RBFOX1: variants seen among roughly 807,000 people sequenced by gnomAD.
RBFOX1 encodes the protein RNA binding protein fox-1 homolog 1.
Under a neutral mutation model 57.7 loss-of-function variants are expected in RBFOX1, and 8 were observed. The ratio of observed to expected loss-of-function variants is 0.14; its 90% confidence interval spans 0.08 to 0.25. RBFOX1 has a LOEUF of 0.25. Among genes scored for constraint, RBFOX1 ranks in the 10% least tolerant of loss-of-function variants. The pLI is 1.00. For missense variants in RBFOX1, 611 were observed against 548.5 expected, an observed-to-expected ratio of 1.11 and a Z score of -1.14; for synonymous variants, 326 against 222.4, an observed-to-expected ratio of 1.47 and a Z score of -4.15.
At chr16:7,148,448 CCT>C (rs2075468261) in intron 4 of RBFOX1, among the ~76,000 whole-genome samples, 1 of 152,216 alleles carries the variant, frequency 6.6e-6, no homozygotes, top group Non-Finnish European at 1.5e-5. Flanking sequence ...TATTTTAAAA[CCT>C]CTTTTGCTGT....
At chr16:6,211,820 TTTTATTTA>T (rs200566514) in intron 1 of RBFOX1, among the ~76,000 whole-genome samples, 3,747 of 140,840 alleles carry the variant, frequency 0.027, 87 homozygotes, top group African/African-American at 0.06. Context: ...GGAATACATC[TTTTATTTA>T]TTTATTTATT....
At chr16:6,333,631 T>A (rs919715451) in intron 2 of RBFOX1, among the ~76,000 whole-genome samples, 2 of 152,114 alleles carry the variant, frequency 1.3e-5, no homozygotes, top group Non-Finnish European at 2.9e-5. Flanking sequence ...AATTAAAAAA[T>A]ATATATATCA....
intron 1 of RBFOX1, among the ~76,000 whole-genome samples, chr16:5,373,125 C>A (rs938557720): frequency 6.6e-6 from 1 of 152,096 alleles, no homozygotes; most frequent in African/African-American, 2.4e-5. Context: ...AGGAGGAGGA[C>A]GTGAAATGGA....
chr16:7,682,697 CCT>C (rs1037727374), intron 14 of RBFOX1, among the ~76,000 whole-genome samples: 2 of 151,316 alleles, frequency 1.3e-5, no homozygotes, highest in Non-Finnish European at 2.9e-5. Flanking sequence ...CTCCTGTGCC[CCT>C]GTGTCTAGAA....
intron 4 of RBFOX1, among the ~76,000 whole-genome samples, chr16:7,160,836 T>C (rs1387944583): frequency 2.1e-5 from 3 of 143,922 alleles, no homozygotes; most frequent in Admixed American, 7.1e-5. Context: ...TCCCTCCTCC[T>C]TCCTCCTCCT....
intron 2 of RBFOX1, among the ~76,000 whole-genome samples, chr16:6,563,017 G>C (rs1385287936): frequency 6.7e-6 from 1 of 150,024 alleles, no homozygotes; most frequent in Non-Finnish European, 1.5e-5. Flanking sequence ...GTTTTATCAT[G>C]TGTTCAATGT....
At chr16:5,412,973 C>A (rs989775871) in intron 1 of RBFOX1, among the ~76,000 whole-genome samples, 3 of 152,200 alleles carry the variant, frequency 2.0e-5, no homozygotes, top group Non-Finnish European at 4.4e-5. Context: ...CTGAAGGACG[C>A]AGGTGGGGTG....
chr16:6,516,066 A>G (rs777744682), intron 2 of RBFOX1, among the ~76,000 whole-genome samples: 6 of 152,026 alleles, frequency 3.9e-5, no homozygotes, highest in Non-Finnish European at 5.9e-5. Context: ...GTACACTCCA[A>G]TCCCGGAGCT....
At chr16:6,244,282 C>T (rs1049515473) in intron 1 of RBFOX1, among the ~76,000 whole-genome samples, 11 of 152,014 alleles carry the variant, frequency 7.2e-5, no homozygotes, top group South Asian at 4.2e-4. Flanking sequence ...ATGAAATCCA[C>T]GTGTTTTTGT....
chr16:6,768,628 T>C (rs1165463271), intron 3 of RBFOX1, among the ~76,000 whole-genome samples: 3 of 151,736 alleles, frequency 2.0e-5, no homozygotes, highest in African/African-American at 7.3e-5. Flanking sequence ...GGTTTAAATA[T>C]CGCCTACCTG....
chr16:7,625,512 A>C (rs1018072774), intron 10 of RBFOX1, among the ~76,000 whole-genome samples: 3 of 152,142 alleles, frequency 2.0e-5, no homozygotes, highest in Admixed American at 2.0e-4. Context: ...CAGAATACTC[A>C]TTCCATCTTA....
chr16:5,984,050 CCTCCCCCTCCTTCTCCCTCCCA>C (rs1172394885), intron 4 of RBFOX1, among the ~76,000 whole-genome samples: 1 of 101,730 alleles, frequency 9.8e-6, no homozygotes, highest in Non-Finnish European at 2.1e-5. Context: ...TCCTCTTCTT[CCTCCCCCTCCTTCTCCCTCCCA>C]CTCCCCCTCC....
chr16:6,407,667 G>A (rs1206177685), intron 2 of RBFOX1, among the ~76,000 whole-genome samples: 1 of 152,000 alleles, frequency 6.6e-6, no homozygotes, highest in Non-Finnish European at 1.5e-5. Flanking sequence ...TAGTTCCCAG[G>A]AGAGACTTTC....
chr16:6,910,779 C>G (rs1453954314), intron 3 of RBFOX1, among the ~76,000 whole-genome samples: 2 of 152,168 alleles, frequency 1.3e-5, no homozygotes, highest in Non-Finnish European at 2.9e-5. Context: ...CCATCAGATC[C>G]TACGTCTGAG....
At chr16:7,132,384 A>C (rs2070719755) in intron 4 of RBFOX1, among the ~76,000 whole-genome samples, 1 of 151,540 alleles carries the variant, frequency 6.6e-6, no homozygotes, top group Admixed American at 6.6e-5. Context: ...GATGGAAGCA[A>C]CCTAAAGGTC....
At chr16:5,422,431 G>T (rs1391582470) in intron 1 of RBFOX1, among the ~76,000 whole-genome samples, 1 of 137,400 alleles carries the variant, frequency 7.3e-6, no homozygotes. Context: ...GGAGGGAGAG[G>T]GAGTATGATG....
At chr16:7,538,398 C>G (rs1454607604) in intron 5 of RBFOX1, among the ~76,000 whole-genome samples, 4 of 152,116 alleles carry the variant, frequency 2.6e-5, no homozygotes, top group African/African-American at 9.7e-5. Context: ...ACTACCTCAA[C>G]TTACTGTTGA....
chr16:7,295,966 G>C (rs886187818), intron 4 of RBFOX1, among the ~76,000 whole-genome samples: 26 of 152,152 alleles, frequency 1.7e-4, no homozygotes, highest in African/African-American at 6.3e-4. Flanking sequence ...TGGGGGTAAA[G>C]AGAATAGTTA....
At chr16:7,215,548 A>G (rs921450226) in intron 4 of RBFOX1, among the ~76,000 whole-genome samples, 1 of 152,158 alleles carries the variant, frequency 6.6e-6, no homozygotes, top group African/African-American at 2.4e-5. Context: ...TTAAGTGTAC[A>G]GTTCAATGTT....
Sources: allele counts gnomAD v4.1 joint callset (sites outside exome capture counted in the v4.1 genomes callset), GRCh38; gene constraint gnomAD v4.1.1; transcripts MANE v1.5; gene names NCBI Gene and HGNC (gene_info 2026-07-23, HGNC 2026-07-21).